Variants in XKR4 observed in about 807,000 individuals in gnomAD.
The protein encoded by XKR4 is XK-related protein 4.
A neutral mutation model predicts 53.9 loss-of-function variants in XKR4; 12 were observed. The observed-to-expected ratio is 0.22, with a 90% CI of 0.14 to 0.36. The LOEUF is 0.36. Among genes scored for constraint, XKR4 ranks in the 10% least tolerant of loss-of-function variants. The pLI is 1.00. For synonymous variants in XKR4, 354 were observed against 362.4 expected (o/e 0.98, Z 0.26); for missense variants, 799 against 859.5 (o/e 0.93, Z 0.88).
chr8:55,327,501 T>G (rs932809811), intron 1 of XKR4, among the ~76,000 whole-genome samples: 1 of 152,190 alleles, frequency 6.6e-6, no homozygotes, highest in Non-Finnish European at 1.5e-5. Flanking sequence ...ACCATATCAT[T>G]TATTCATTGC....
intron 2 of XKR4, among the ~76,000 whole-genome samples, chr8:55,374,929 G>A (rs981761244): frequency 6.6e-6 from 1 of 152,218 alleles, no homozygotes; most frequent in Non-Finnish European, 1.5e-5. Context: ...TGTGGTGATG[G>A]AGCTGTGAAA....
At chr8:55,133,477 G>A (rs548328922) in intron 1 of XKR4, among the ~76,000 whole-genome samples, 2 of 152,326 alleles carry the variant, frequency 1.3e-5, no homozygotes, top group African/African-American at 4.8e-5. Flanking sequence ...CAGTTCAATG[G>A]TTGGTCTAAT....
At chr8:55,388,420 A>T (rs1416527773) in intron 2 of XKR4, among the ~76,000 whole-genome samples, 2 of 152,222 alleles carry the variant, frequency 1.3e-5, no homozygotes, top group East Asian at 3.8e-4. Context: ...AATATACCAT[A>T]GACTGGATAG....
At chr8:55,124,463 A>G (rs1205682596) in intron 1 of XKR4, among the ~76,000 whole-genome samples, 1 of 152,184 alleles carries the variant, frequency 6.6e-6, no homozygotes, top group Non-Finnish European at 1.5e-5. Context: ...TAAGATTTAA[A>G]GCTCATGATT....
At chr8:55,280,094 A>G (rs1295899346) in intron 1 of XKR4, among the ~76,000 whole-genome samples, 3 of 152,178 alleles carry the variant, frequency 2.0e-5, no homozygotes, top group African/African-American at 7.2e-5. Flanking sequence ...ATATTAAAAG[A>G]TTGCCCACTT....
chr8:55,212,927 A>G lies in XKR4; in HGVS notation c.806+109633A>G, dbSNP rs140673426. 2.3e-3 allele frequency among the ~76,000 whole-genome samples: 348 copies of G among 152,356 alleles called. 1 individual carries two copies. The highest frequency in any genetic ancestry group is 7.8e-3 in the African/African-American group (326 of 41,572). ...ATTATTTATTAAAGAATATTGGAAT[A>G]CCAACATAAAATTTATTGAAAAGGA... On this transcript the variant is annotated intron_variant, in intron 1 of 2. Coordinates refer to ENST00000327381, the MANE Select transcript of XKR4 (RefSeq NM_052898.2).
intron 1 of XKR4, among the ~76,000 whole-genome samples, chr8:55,328,466 C>T (rs1803327753): frequency 6.6e-6 from 1 of 152,158 alleles, no homozygotes; most frequent in Non-Finnish European, 1.5e-5. Context: ...CACATCCTGT[C>T]CTTTGGAAAG....
intron 2 of XKR4, among the ~76,000 whole-genome samples, chr8:55,427,514 G>T (rs1376632496): frequency 6.6e-6 from 1 of 152,076 alleles, no homozygotes. Context: ...TCTGACCCTG[G>T]AACCAGTTAT....
At chr8:55,444,146 G>C (rs1472115869) in intron 2 of XKR4, among the ~76,000 whole-genome samples, 2 of 152,104 alleles carry the variant, frequency 1.3e-5, no homozygotes, top group Non-Finnish European at 2.9e-5. Context: ...ACTCCAGCCT[G>C]GGCAACAGAG....
At chr8:55,119,413 T>C (rs981356781) in intron 1 of XKR4, among the ~76,000 whole-genome samples, 1 of 151,700 alleles carries the variant, frequency 6.6e-6, no homozygotes, top group Admixed American at 6.6e-5. Flanking sequence ...CTTAAGAGAA[T>C]GTTAAGCAGA....
Position 55,523,889 on chromosome 8 carries a change from C to A in XKR4, c.1615C>A (p.Pro539Thr). 1.2e-6 allele frequency: 2 copies of A among 1,614,194 alleles called. No homozygotes were observed. The highest frequency in any genetic ancestry group is 2.2e-5 in the South Asian group (2 of 91,080). Residue 539 changes from proline (P) to threonine (T), a missense_variant, in exon 3 of 3, where the codon CCA becomes ACA. Pro to Thr is a conservative substitution (Grantham distance 38). Around this residue, in one of 3 missense-constraint regions of XKR4, gnomAD observed 269 missense variants for 264.4 expected, o/e 1.02. Coordinates refer to ENST00000327381, the MANE Select transcript of XKR4 (RefSeq NM_052898.2). ...EDPAAAFTLP[P>T]DVATSTLRSI... ...CCCAGCCGCTGCCTTCACTTTGCCC[C>A]CAGACGTGGCCACAAGCACCCTACG...
intron 1 of XKR4, among the ~76,000 whole-genome samples, chr8:55,151,276 A>T (rs1816836642): frequency 6.6e-6 from 1 of 152,238 alleles, no homozygotes; most frequent in Non-Finnish European, 1.5e-5. Context: ...ACAGGACATT[A>T]TCTGACCTTA....
rs1256643128 is a variant in XKR4, at chr8:55,114,017, T to C, written c.806+10723T>C. ...GATTCTATACCTTTGCTATTGTGAATGGTGCTGCAGTGAACATACACACAC... is the reference window on the plus strand; with the variant it reads ...GATTCTATACCTTTGCTATTGTGAACGGTGCTGCAGTGAACATACACACAC... On this transcript the variant is annotated intron_variant, in intron 1 of 2. Transcript: ENST00000327381. 2.6e-5 allele frequency among the ~76,000 whole-genome samples: 4 copies of C among 152,222 alleles called. No homozygotes were observed. In the East Asian group the frequency reaches 7.7e-4, roughly 29 times the overall value.
chr8:55,460,768 G>A (rs541073322), intron 2 of XKR4, among the ~76,000 whole-genome samples: 1 of 152,126 alleles, frequency 6.6e-6, no homozygotes, highest in African/African-American at 2.4e-5. Context: ...TGGAAAATCG[G>A]GTCACTCCCA....
At chr8:55,459,761 T>C (rs773738009) in intron 2 of XKR4, among the ~76,000 whole-genome samples, 6 of 152,158 alleles carry the variant, frequency 3.9e-5, no homozygotes, top group Non-Finnish European at 7.4e-5. Flanking sequence ...ATAAAAAAGA[T>C]TGACAATACC....
intron 1 of XKR4, chr8:55,164,239 G>A (rs767589591): frequency 1.8e-5 from 8 of 456,510 alleles, no homozygotes; most frequent in South Asian, 1.2e-4. Flanking sequence ...TCGGCATTGA[G>A]ACCCATCTCC....
intron 1 of XKR4, among the ~76,000 whole-genome samples, chr8:55,194,998 G>C (rs1817486387): frequency 6.6e-6 from 1 of 152,196 alleles, no homozygotes; most frequent in African/African-American, 2.4e-5. Flanking sequence ...AAAGAGTACA[G>C]TGAATTGAAT....
intron 1 of XKR4, among the ~76,000 whole-genome samples, chr8:55,277,375 G>T (rs1446227673): frequency 6.6e-6 from 1 of 152,102 alleles, no homozygotes; most frequent in Admixed American, 6.5e-5. Context: ...CATACAAGTT[G>T]AGTATCTCTT....
chr8:55,440,600 C>CA (rs11308311), intron 2 of XKR4, among the ~76,000 whole-genome samples: 21 of 149,394 alleles, frequency 1.4e-4, no homozygotes, highest in Non-Finnish European at 2.4e-4. Context: ...AAACTAGCAG[C>CA]AAAAAAAAAT....
Sources: gnomAD v4.1 joint callset for allele counts (sites outside exome capture counted in the v4.1 genomes callset) on GRCh38, gnomAD v4.1.1 for gene constraint, gnomAD v4.1.1 regional missense constraint, MANE v1.5 for transcripts, NCBI Gene and HGNC (gene_info 2026-07-23, HGNC 2026-07-21) for gene names.